The following NEGR1 variants were observed in gnomAD, a reference collection of about 807,000 sequenced individuals.
NEGR1 encodes the protein neuronal growth regulator 1.
In NEGR1, 10 loss-of-function variants were observed where a neutral mutation model predicts 40.9. The ratio of observed to expected loss-of-function variants is 0.24; its 90% confidence interval spans 0.15 to 0.42. NEGR1 has a LOEUF of 0.42. Among genes scored for constraint, NEGR1 ranks in the 10% least tolerant of loss-of-function variants. The pLI is 1.00. For missense variants in NEGR1, 352 were observed against 438.9 expected (o/e 0.80, Z 1.77); for synonymous variants, 185 against 166.8 (o/e 1.11, Z -0.84).
chr1:72,005,922 C>T (rs1184032415), intron 1 of NEGR1, among the ~76,000 whole-genome samples: 1 of 152,066 alleles, frequency 6.6e-6, no homozygotes, highest in African/African-American at 2.4e-5. Context: ...TACTTTTCAT[C>T]TGGCCAACCT....
chr1:71,554,971 T>G (rs1174536276), intron 6 of NEGR1, among the ~76,000 whole-genome samples: 1 of 151,560 alleles, frequency 6.6e-6, no homozygotes, highest in African/African-American at 2.4e-5. Flanking sequence ...TCAACGGTCT[T>G]ACTTTTTTTC....
At chr1:72,119,240 T>C (rs1465433311) in intron 1 of NEGR1, among the ~76,000 whole-genome samples, 5 of 152,050 alleles carry the variant, frequency 3.3e-5, no homozygotes, top group Non-Finnish European at 5.9e-5. Flanking sequence ...TAAATTCATA[T>C]GCTAATAGTT....
intron 1 of NEGR1, among the ~76,000 whole-genome samples, chr1:71,996,291 T>G (rs1451486486): frequency 6.6e-6 from 1 of 152,152 alleles, no homozygotes. Flanking sequence ...TGCAGCCAAG[T>G]ATAGCTATAA....
At chr1:71,760,676 T>TA (rs1655910002) in intron 3 of NEGR1, among the ~76,000 whole-genome samples, 1 of 152,220 alleles carries the variant, frequency 6.6e-6, no homozygotes, top group African/African-American at 2.4e-5. Context: ...GTCATCAGCA[T>TA]AATTTGCCGG....
intron 4 of NEGR1, among the ~76,000 whole-genome samples, chr1:71,628,604 C>T (rs1475737784): frequency 6.6e-6 from 1 of 151,816 alleles, no homozygotes; most frequent in Non-Finnish European, 1.5e-5. Context: ...GTGATATTCC[C>T]CTCCCTTTGT....
chr1:71,922,103 G>C (rs1300380521), intron 2 of NEGR1, among the ~76,000 whole-genome samples: 1 of 152,168 alleles, frequency 6.6e-6, no homozygotes, highest in Admixed American at 6.5e-5. Context: ...GGTCAGGACT[G>C]TTCAATAGCA....
At chr1:72,246,447 A>G (rs1654905953) in intron 1 of NEGR1, among the ~76,000 whole-genome samples, 1 of 152,190 alleles carries the variant, frequency 6.6e-6, no homozygotes, top group African/African-American at 2.4e-5. Context: ...CATGCCATGC[A>G]TCCACTTTAG....
At chr1:71,813,761 T>G (rs1251753069) in intron 2 of NEGR1, among the ~76,000 whole-genome samples, 2 of 152,120 alleles carry the variant, frequency 1.3e-5, no homozygotes, top group Non-Finnish European at 2.9e-5. Context: ...TAGGGATGCT[T>G]GTGATTTTTG....
At chr1:71,955,011 T>C (rs1459239707) in intron 1 of NEGR1, among the ~76,000 whole-genome samples, 1 of 152,206 alleles carries the variant, frequency 6.6e-6, no homozygotes, top group Non-Finnish European at 1.5e-5. Context: ...AGAAAATTAA[T>C]AGTTTAAAGC....
At chr1:72,182,242 C>T (rs1335896167) in intron 1 of NEGR1, among the ~76,000 whole-genome samples, 3 of 152,022 alleles carry the variant, frequency 2.0e-5, no homozygotes, top group Admixed American at 2.0e-4. Flanking sequence ...GCCTGTAATC[C>T]CAGCACTTTG....
intron 5 of NEGR1, among the ~76,000 whole-genome samples, chr1:71,598,018 C>G: frequency 6.6e-6 from 1 of 152,182 alleles, no homozygotes; most frequent in Non-Finnish European, 1.5e-5. Flanking sequence ...TACGTATCAA[C>G]AAATCTTCAC....
intron 2 of NEGR1, among the ~76,000 whole-genome samples, chr1:71,790,140 C>T (rs1012136059): frequency 2.6e-5 from 4 of 152,022 alleles, no homozygotes; most frequent in African/African-American, 9.7e-5. Context: ...AGCCGTTTGA[C>T]AATTGTTGAC....
intron 3 of NEGR1, among the ~76,000 whole-genome samples, chr1:71,743,930 CAA>C (rs753480875): frequency 4.6e-5 from 7 of 152,238 alleles, no homozygotes; most frequent in African/African-American, 7.2e-5. Context: ...TAAAATAACT[CAA>C]TGTTTTCTGT....
intron 1 of NEGR1, among the ~76,000 whole-genome samples, chr1:72,023,156 G>C (rs1033555577): frequency 6.6e-6 from 1 of 151,872 alleles, no homozygotes; most frequent in Non-Finnish European, 1.5e-5. Context: ...TGTCATTTTT[G>C]TGGCAGAAGT....
At chr1:71,491,351 C>T (rs946841217) in intron 6 of NEGR1, among the ~76,000 whole-genome samples, 1 of 151,850 alleles carries the variant, frequency 6.6e-6, no homozygotes, top group Non-Finnish European at 1.5e-5. Flanking sequence ...AGAACCATTC[C>T]CCTGAGGATA....
chr1:71,427,305 G>A (rs375312294), intron 6 of NEGR1, among the ~76,000 whole-genome samples: 17 of 152,136 alleles, frequency 1.1e-4, no homozygotes, highest in Admixed American at 2.6e-4. Context: ...GTCAATAGCC[G>A]TGCCAATAGC....
chr1:72,224,376 G>A (rs1470853050), intron 1 of NEGR1, among the ~76,000 whole-genome samples: 5 of 151,772 alleles, frequency 3.3e-5, no homozygotes, highest in Admixed American at 3.3e-4. Context: ...ATAGGAAAGT[G>A]AAGGATGCTA....
rs1000872479 is a variant in NEGR1, at chr1:72,188,900, C to T, written c.176+93419G>A. On this transcript the variant is annotated intron_variant, in intron 1 of 6. Transcript: ENST00000357731. Reference sequence around the variant, plus strand: ...CTCTGGATTGCAGATAAAAACAAAACAAGAAAGGGATTAATTCTTAACCTT... The same window carrying T: ...CTCTGGATTGCAGATAAAAACAAAATAAGAAAGGGATTAATTCTTAACCTT... Among the ~76,000 whole-genome samples, 23 of 151,628 alleles carry T rather than the reference C, an allele frequency of 1.5e-4. No individual in the cohort carries two copies. The East Asian group carries it at 1.5e-3, about 10-fold the overall frequency.
intron 2 of NEGR1, among the ~76,000 whole-genome samples, chr1:71,793,641 AT>A (rs1024645646): frequency 6.6e-6 from 1 of 152,168 alleles, no homozygotes; most frequent in African/African-American, 2.4e-5. Context: ...AATTTCACTT[AT>A]AAACACAGAA....
Sources: allele counts gnomAD v4.1 joint callset (sites outside exome capture counted in the v4.1 genomes callset), GRCh38; gene constraint gnomAD v4.1.1; transcripts MANE v1.5; gene names NCBI Gene and HGNC (gene_info 2026-07-23, HGNC 2026-07-21).